Variants in ZNF587B observed in about 807,000 individuals in gnomAD.
The protein encoded by ZNF587B is zinc finger protein 587B.
A neutral mutation model predicts 7.2 loss-of-function variants in ZNF587B; 6 were observed. The ratio of observed to expected loss-of-function variants is 0.83; its 90% CI spans 0.46 to 1.65. ZNF587B has a LOEUF of 1.65. Among genes scored for constraint, ZNF587B ranks in the 40% most tolerant of loss-of-function variants. The pLI is 0.01. For missense variants in ZNF587B, 749 were observed against 761.0 expected, an observed-to-expected ratio of 0.98 and a Z score of 0.19; for synonymous variants, 274 against 254.3, an observed-to-expected ratio of 1.08 and a Z score of -0.74.
At position 57,845,848 on chromosome 19, in the gene ZNF587B, GGC is replaced by G. The variant is rs1989036870; in HGVS notation, c.*3273_*3274del. The G allele has an allele frequency of 6.6e-6, 1 of 152,158 alleles. No homozygotes were observed. Among genetic ancestry groups the G allele is most frequent in the Non-Finnish European group, 1.5e-5 (1 of 68,040 alleles). The allele number at this position is 152,158 out of a possible 1,614,324, so 9.4% of individuals were successfully genotyped here. A position where few individuals can be genotyped will look rare whatever the true frequency, so the allele number is the denominator to read the frequency against. On this transcript the variant is annotated 3_prime_UTR_variant, in exon 3 of 3. Transcript: ENST00000594901. ...TCTAGGAAAAATAGCCAGGTATGGT[GGC>G]ATGTACCTTAGTCTTAGTGATGTGG... is the stretch of plus-strand genomic sequence containing the variant.
chr19:57,836,843 A>G (rs1286118203), intron 1 of ZNF587B, among the ~76,000 whole-genome samples: 1 of 152,004 alleles, frequency 6.6e-6, no homozygotes, highest in Non-Finnish European at 1.5e-5. Flanking sequence ...ACACTCATGT[A>G]ATCCCAGCTA....
intron 1 of ZNF587B, among the ~76,000 whole-genome samples, chr19:57,835,286 G>A (rs1480553953): frequency 8.6e-6 from 1 of 116,006 alleles, no homozygotes; most frequent in African/African-American, 3.5e-5. Context: ...TAAAGGAGCA[G>A]CTAGATTTTC....
Position 57,842,131 on chromosome 19 carries a change from G to A in ZNF587B, c.1457G>A (p.Arg486Lys). ...KKKSHLLVHQ[R>K]IHSGEKPYAC... is the part of the protein sequence containing the mutation. ...AAGTCTCACCTCCTTGTACACCAGA[G>A]AATTCACAGTGGAGAGAAGCCATAT... Residue 486 changes from arginine to lysine, a missense_variant, in exon 3 of 3, where the codon AGA becomes AAA. By Grantham distance (26) the Arg-to-Lys change is conservative (BLOSUM62 2). Transcript: ENST00000594901. 1 of 1,611,374 alleles carries A rather than the reference G, an allele frequency of 6.2e-7. No individual in the cohort carries two copies. The highest frequency in any genetic ancestry group is 8.5e-7 in the Non-Finnish European group (1 of 1,178,556).
rs970312511 is a variant in ZNF587B, at chr19:57,840,967, G to A, written c.293G>A (p.Gly98Asp). 8 of 1,592,092 alleles carry A rather than the reference G, an allele frequency of 5.0e-6. No individual in the cohort carries two copies. The highest frequency in any genetic ancestry group is 1.4e-5 in the African/African-American group (1 of 73,882). ...PKKAHPCEMC[G>D]PILGDILHVA... is the part of the protein sequence containing the mutation. ...AAGGCCCACCCCTGTGAGATGTGTG[G>A]CCCGATCTTGGGAGACATTTTGCAT... Residue 98 changes from glycine (G) to aspartate (D), a missense_variant, in exon 3 of 3, where the codon GGC (glycine) becomes GAC (aspartate). Physicochemically the swap from Gly to Asp is moderately conservative, Grantham distance 94 (BLOSUM62 -1). This residue lies in a region of ZNF587B where 72 missense variants were observed against 147.8 expected (regional missense o/e 0.49). Transcript: ENST00000594901.
chr19:57,840,096 AAAAAAAAAAAAAAAAAG>A (rs1478574355), intron 2 of ZNF587B, among the ~76,000 whole-genome samples: 20 of 77,414 alleles, frequency 2.6e-4, no homozygotes, highest in African/African-American at 8.7e-4. Flanking sequence ...AAAAAAAAAA[AAAAAAAAAAAAAAAAAG>A]CAGCACCCTG....
At chr19:57,838,051 G>A (rs1988695359) in intron 1 of ZNF587B, among the ~76,000 whole-genome samples, 1 of 152,068 alleles carries the variant, frequency 6.6e-6, no homozygotes, top group Non-Finnish European at 1.5e-5. Flanking sequence ...CCTCATGCCT[G>A]TAGTCCCAGC....
Position 57,844,692 on chromosome 19 carries a change from C to T in ZNF587B, c.*2116C>T, listed in dbSNP as rs1600111902. ...GGGTACAGGGCAGTTTTTATAACAACCTCTGGTGGGTTTTTTATTTTAGTG... is the reference window on the plus strand; with the variant it reads ...GGGTACAGGGCAGTTTTTATAACAATCTCTGGTGGGTTTTTTATTTTAGTG... On this transcript the variant is annotated 3_prime_UTR_variant, in exon 3 of 3. Coordinates refer to ENST00000594901, the MANE Select transcript of ZNF587B (RefSeq NM_001376223.1). 6.6e-6 allele frequency: 1 copy of T among 152,380 alleles called. No individual in the cohort carries two copies. The highest frequency in any genetic ancestry group is 1.5e-5 in the Non-Finnish European group (1 of 68,212). The allele number at this position is 152,380 out of a possible 1,614,324, so 9.4% of individuals were successfully genotyped here. A position where few individuals can be genotyped will look rare whatever the true frequency, so the allele number is the denominator to read the frequency against.
At position 57,843,548 on chromosome 19, in the gene ZNF587B, T is replaced by C. The variant is rs1988938377; in HGVS notation, c.*972T>C. ...TGTCTCCCATTCACGAGAGATTTTT[T>C]TTTTAAGTTTTTTGTTTGGTTGGTT... On this transcript the variant is annotated 3_prime_UTR_variant, in exon 3 of 3. Coordinates refer to ENST00000594901, the MANE Select transcript of ZNF587B (RefSeq NM_001376223.1). 1.0e-6 allele frequency: 1 copy of C among 984,628 alleles called. No individual in the cohort carries two copies. The highest frequency in any genetic ancestry group is 1.8e-5 in the African/African-American group (1 of 56,938). The allele number at this position is 984,628 out of a possible 1,614,324, so 61.0% of individuals were successfully genotyped here.
intron 1 of ZNF587B, among the ~76,000 whole-genome samples, chr19:57,834,860 A>G (rs1339166226): frequency 7.2e-6 from 1 of 137,982 alleles, no homozygotes; most frequent in East Asian, 2.1e-4. Context: ...AAAAAAAGAA[A>G]AAAAAAAGGT....
chr19:57,831,122 G>T (rs903704888), intron 1 of ZNF587B, among the ~76,000 whole-genome samples: 4 of 152,162 alleles, frequency 2.6e-5, no homozygotes, highest in African/African-American at 9.7e-5. Context: ...TCAGTTAATT[G>T]CATTCTTGGA....
chr19:57,836,007 T>C (rs1011227624), intron 1 of ZNF587B, among the ~76,000 whole-genome samples: 1 of 151,790 alleles, frequency 6.6e-6, no homozygotes, highest in Non-Finnish European at 1.5e-5. Flanking sequence ...GCGGACATTA[T>C]TGGCATTCAT....
In ZNF587B at chr19:57,841,722, G is replaced by T; in HGVS notation, c.1048G>T (p.Gly350Ter). ...TAAGAGTCATCAGCGCATTCACACT[G>T]GAGAGAGACCTTACAAGTGTGGAGA... Reference protein sequence around the residue: ...NLKSHQRIHTGERPYKCGECE... With the variant: ...NLKSHQRIHT Residue 350 changes from glycine (G) to a stop codon, truncating the protein, a stop_gained, in exon 3 of 3, where the codon GGA becomes TGA. Coordinates refer to ENST00000594901, the MANE Select transcript of ZNF587B (RefSeq NM_001376223.1). LOFTEE classifies it low-confidence loss of function (END_TRUNC). 1 of 1,607,854 alleles carries T rather than the reference G, an allele frequency of 6.2e-7. No homozygotes were observed. The highest frequency in any genetic ancestry group is 2.2e-5 in the East Asian group (1 of 44,606).
At chr19:57,840,304 C>G (rs1988790470) in intron 2 of ZNF587B, among the ~76,000 whole-genome samples, 1 of 151,888 alleles carries the variant, frequency 6.6e-6, no homozygotes, top group Non-Finnish European at 1.5e-5. Flanking sequence ...AAGCTTTGAC[C>G]TACTTGTACA....
chr19:57,832,896 C>T (rs1315101408), intron 1 of ZNF587B, among the ~76,000 whole-genome samples: 1 of 152,210 alleles, frequency 6.6e-6, no homozygotes, highest in Non-Finnish European at 1.5e-5. Context: ...CTCACTTTGT[C>T]CCAGCATGTC....
At position 57,843,786 on chromosome 19, in the gene ZNF587B, G is replaced by A. The variant is rs1988973074; in HGVS notation, c.*1210G>A. Among the ~76,000 whole-genome samples, 1 of 151,842 alleles carries A rather than the reference G, an allele frequency of 6.6e-6. No homozygotes were observed. Among genetic ancestry groups the A allele is most frequent in the Non-Finnish European group, 1.5e-5 (1 of 67,970 alleles). On this transcript the variant is annotated 3_prime_UTR_variant, in exon 3 of 3. Transcript: ENST00000594901. ...CCAGGTAATTTTTGTACTTTTAGTA[G>A]AGATGGGGTTTCACTATGTTGGTCA...
At chr19:57,838,399 A>G (rs938257870) in intron 1 of ZNF587B, among the ~76,000 whole-genome samples, 4 of 152,050 alleles carry the variant, frequency 2.6e-5, no homozygotes, top group Non-Finnish European at 5.9e-5. Flanking sequence ...TTAAGAGATC[A>G]AGACCATCCT....
At chr19:57,835,827 G>C (rs1326534779) in intron 1 of ZNF587B, among the ~76,000 whole-genome samples, 1 of 144,816 alleles carries the variant, frequency 6.9e-6, no homozygotes, top group Non-Finnish European at 1.5e-5. Flanking sequence ...TATCTGGGAA[G>C]GAATTGATAT....
At chr19:57,830,861 C>G (rs1332059570) in intron 1 of ZNF587B, among the ~76,000 whole-genome samples, 1 of 151,944 alleles carries the variant, frequency 6.6e-6, no homozygotes, top group Non-Finnish European at 1.5e-5. Context: ...TCAAAGTTCT[C>G]GCGGCCCCAA....
intron 1 of ZNF587B, among the ~76,000 whole-genome samples, chr19:57,837,259 AC>A (rs1169863781): frequency 6.8e-6 from 1 of 146,064 alleles, no homozygotes; most frequent in Non-Finnish European, 1.5e-5. Flanking sequence ...TATATGTGAT[AC>A]CTTTTTTTTT....
Sources: allele counts gnomAD v4.1 joint callset (sites outside exome capture counted in the v4.1 genomes callset), GRCh38; gene constraint gnomAD v4.1.1; regional missense constraint gnomAD v4.1.1; transcripts MANE v1.5; gene names NCBI Gene and HGNC (gene_info 2026-07-23, HGNC 2026-07-21).